MIOS: variants seen among roughly 807,000 people sequenced by gnomAD.
The protein encoded by MIOS is GATOR2 complex protein MIOS.
MIOS carries 52 observed loss-of-function variants against 96.9 expected under a neutral mutation model. The observed-to-expected ratio is 0.54, with a 90% CI of 0.43 to 0.68. The LOEUF is 0.68. Ranked by LOEUF, MIOS falls within the 30% of genes least tolerant of loss-of-function variation. MIOS has a pLI of 0.00. For missense variants in MIOS, 1,005 were observed against 1,052.8 expected, an observed-to-expected ratio of 0.95 and a Z score of 0.63; for synonymous variants, 397 against 359.5, an observed-to-expected ratio of 1.10 and a Z score of -1.18.
chr7:7,573,612 A>G lies in MIOS; in HGVS notation c.1137A>G (p.Glu379=), dbSNP rs751251833. The change falls in exon 4 of 13, where the codon GAA becomes GAG. Residue 379 remains glutamate (E), a synonymous_variant. Coordinates refer to ENST00000340080, the MANE Select transcript of MIOS (RefSeq NM_019005.4). This position sits in a 1 kb window ranked among gnomAD's most constrained non-coding sequence, Gnocchi z 5.0. ...ACGRHLYECT[E]EENDNSLEKD... ...GTCGTCATTTATATGAATGTACGGA[A>G]GAAGAAAATGATAATTCTTTAGAAA... 1.2e-6 allele frequency: 2 copies of G among 1,614,062 alleles called. No individual in the cohort carries two copies. Among genetic ancestry groups the G allele is most frequent in the Non-Finnish European group, 1.7e-6 (2 of 1,179,920 alleles).
intron 2 of MIOS, 120 bp from the exon 3 acceptor site, chr7:7,567,906 G>A (rs527749418): frequency 2.0e-5 from 3 of 152,348 alleles, no homozygotes; most frequent in African/African-American, 7.2e-5. Flanking sequence ...GGATAATGCT[G>A]TTGATATGTT....
At chr7:7,598,286 C>G (rs867385171) in intron 11 of MIOS, among the ~76,000 whole-genome samples, 4 of 152,208 alleles carry the variant, frequency 2.6e-5, no homozygotes, top group African/African-American at 9.7e-5. Context: ...CTTTCTAGTG[C>G]AGACATTTTA....
rs1213346684 is a variant in MIOS, at chr7:7,573,448, A to T, written c.973A>T (p.Ile325Phe). ...ERSVQPCDNY[I>F]ASFAWHPTSQ... ...AAGTGTGCAACCTTGTGACAATTAC[A>T]TTGCTTCCTTTGCGTGGCATCCAAC... The change falls in exon 4 of 13, where the codon ATT becomes TTT. Residue 325 changes from isoleucine to phenylalanine, a missense_variant. Physicochemically the swap from Ile to Phe is conservative, Grantham distance 21 (BLOSUM62 0). Around this residue, in one of 3 missense-constraint regions of MIOS, gnomAD observed 865 missense variants for 887.9 expected, o/e 0.97. Transcript: ENST00000340080. This position sits in a 1 kb window ranked among gnomAD's most constrained non-coding sequence, Gnocchi z 5.0. 1.2e-6 allele frequency: 2 copies of T among 1,614,028 alleles called. No individual in the cohort carries two copies. The highest frequency in any genetic ancestry group is 1.7e-6 in the Non-Finnish European group (2 of 1,179,974).
chr7:7,606,498 T>A (rs1166822050), intron 12 of MIOS, among the ~76,000 whole-genome samples: 2 of 152,192 alleles, frequency 1.3e-5, no homozygotes, highest in African/African-American at 2.4e-5. Context: ...CAAGACATAT[T>A]TGAATTTCAT....
At chr7:7,595,352 C>G (rs1189514514) in intron 10 of MIOS, among the ~76,000 whole-genome samples, 1 of 152,172 alleles carries the variant, frequency 6.6e-6, no homozygotes, top group African/African-American at 2.4e-5. Context: ...CAAACCACAG[C>G]AGGCCTGAAG....
intron 11 of MIOS, chr7:7,605,043 A>G (rs981858123): frequency 9.9e-5 from 15 of 152,168 alleles, no homozygotes; most frequent in Admixed American, 7.2e-4. Flanking sequence ...AAAAACGGAT[A>G]TTTTTTAAAA....
In MIOS at chr7:7,607,896, A is replaced by G. The variant is rs1784574396; in HGVS notation, c.*804A>G. ...GATTTGTCTTCAAAGGTTTTTCTCC[A>G]TATTAATTTGTCATCTTATCCTCAT... On this transcript the variant is annotated 3_prime_UTR_variant, in exon 13 of 13. Coordinates refer to ENST00000340080, the MANE Select transcript of MIOS (RefSeq NM_019005.4). 1 of 152,136 alleles carries G rather than the reference A, an allele frequency of 6.6e-6. No homozygotes were observed. Among genetic ancestry groups the G allele is most frequent in the Non-Finnish European group, 1.5e-5 (1 of 68,020 alleles). The allele number at this position is 152,136 out of a possible 1,614,324, so 9.4% of individuals were successfully genotyped here.
At chr7:7,600,540 A>G (rs1014734030) in intron 11 of MIOS, among the ~76,000 whole-genome samples, 2 of 152,212 alleles carry the variant, frequency 1.3e-5, no homozygotes, top group African/African-American at 2.4e-5. Flanking sequence ...ATATGCACCC[A>G]ATACAGGAGC....
At chr7:7,574,361 C>T (rs191072497) in intron 5 of MIOS, among the ~76,000 whole-genome samples, 165 bp downstream of exon 5, 3 of 152,176 alleles carry the variant, frequency 2.0e-5, no homozygotes, top group South Asian at 4.1e-4. Context: ...TAAATGCATA[C>T]TTGTATTTAT....
chr7:7,583,378 A>T lies in MIOS; in HGVS notation c.1648+6A>T. On this transcript the variant is annotated splice_donor_region_variant and intron_variant, in intron 6 of 12. Transcript: ENST00000340080. ...AGGGGCATCTTCTGAAAAAGGTATT[A>T]GGTTATAAACTAAGATATTAGTTAT... 1 of 1,594,520 alleles carries T rather than the reference A, an allele frequency of 6.3e-7. No individual in the cohort carries two copies. Among genetic ancestry groups the T allele is most frequent in the Non-Finnish European group, 8.6e-7 (1 of 1,168,608 alleles).
intron 3 of MIOS, among the ~76,000 whole-genome samples, chr7:7,569,178 C>A (rs996377410): frequency 1.3e-5 from 2 of 152,084 alleles, no homozygotes; most frequent in Admixed American, 6.5e-5. Flanking sequence ...GAGTATGAAC[C>A]CTTATTTGGC....
At chr7:7,569,617 A>G (rs932292535) in intron 3 of MIOS, among the ~76,000 whole-genome samples, 2 of 152,240 alleles carry the variant, frequency 1.3e-5, no homozygotes, top group African/African-American at 4.8e-5. Context: ...ACTGGGGACT[A>G]GAGGTACAAT....
intron 9 of MIOS, among the ~76,000 whole-genome samples, chr7:7,590,641 TC>T (rs1784020822): frequency 6.6e-6 from 1 of 152,218 alleles, no homozygotes; most frequent in Non-Finnish European, 1.5e-5. Context: ...GTTCCTATGT[TC>T]CTTTCCTACC....
At chr7:7,601,992 T>C (rs1285041636) in intron 11 of MIOS, among the ~76,000 whole-genome samples, 2 of 152,230 alleles carry the variant, frequency 1.3e-5, no homozygotes, top group Non-Finnish European at 2.9e-5. Context: ...TCTCAATAGA[T>C]GCAGAAAAGG....
At position 7,573,893 on chromosome 7, in the gene MIOS, C is replaced by G; in HGVS notation, c.1294+124C>G. ...ACAAATACAAGTTACATAATACTAA[C>G]ATTATAAAGTAAAATTGTTCTAAAC... On this transcript the variant is annotated intron_variant, in intron 4 of 12. Transcript: ENST00000340080. This position sits in a 1 kb window ranked among gnomAD's most constrained non-coding sequence, Gnocchi z 5.0. 1 of 1,055,590 alleles carries G rather than the reference C, an allele frequency of 9.5e-7. No homozygotes were observed. 65.4% of individuals were successfully genotyped at this position (1,055,590 alleles called of 1,614,324 possible).
At chr7:7,609,076 T>G (rs1784599641), downstream of MIOS, 1 of 152,074 alleles carries the variant, frequency 6.6e-6, no homozygotes, top group African/African-American at 2.4e-5. Context: ...TCAATAGATG[T>G]GTTTATTAAA....
At chr7:7,578,093 G>A (rs2115378720) in intron 5 of MIOS, among the ~76,000 whole-genome samples, 1 of 152,266 alleles carries the variant, frequency 6.6e-6, no homozygotes, top group South Asian at 2.1e-4. Context: ...TAGGTCTTTT[G>A]GAGGAGGACA....
chr7:7,606,393 T>C (rs1170810675), intron 12 of MIOS, among the ~76,000 whole-genome samples: 1 of 152,212 alleles, frequency 6.6e-6, no homozygotes, highest in African/African-American at 2.4e-5. Context: ...TACCATGCAA[T>C]TGAATTACTA....
intron 9 of MIOS, among the ~76,000 whole-genome samples, chr7:7,590,820 C>T (rs189217516): frequency 8.5e-5 from 13 of 152,284 alleles, no homozygotes; most frequent in Non-Finnish European, 2.9e-5. Context: ...CATTTCTCAC[C>T]TGACACATCA....
Sources: gnomAD v4.1 joint callset for allele counts (sites outside exome capture counted in the v4.1 genomes callset) on GRCh38, gnomAD v4.1.1 for gene constraint, gnomAD v4.1.1 regional missense constraint, Gnocchi (gnomAD v3.1) non-coding constraint, MANE v1.5 for transcripts, NCBI Gene and HGNC (gene_info 2026-07-23, HGNC 2026-07-21) for gene names.